Variants in GALNT13 observed in about 807,000 individuals in gnomAD.
GALNT13 encodes UDP-GalNAc:polypeptide N-acetylgalactosaminyltransferase 13.
GALNT13 carries 28 observed loss-of-function variants against 64.2 expected under a neutral mutation model. The ratio of observed to expected loss-of-function variants is 0.44; its 90% CI spans 0.32 to 0.60. GALNT13 has a LOEUF of 0.60. Among genes scored for constraint, GALNT13 ranks in the 20% least tolerant of loss-of-function variants. GALNT13 has a pLI of 0.05. For missense variants in GALNT13, 577 were observed against 669.8 expected (o/e 0.86, Z 1.53); for synonymous variants, 214 against 224.6 (o/e 0.95, Z 0.42).
chr2:153,375,871 T>C, the GALNT13 span, among the ~76,000 whole-genome samples: 2 of 152,180 alleles, frequency 1.3e-5, no homozygotes, highest in African/African-American at 4.8e-5. Flanking sequence ...TTCTGCAAGC[T>C]GTACAAGAAG....
chr2:154,104,287 C>T (rs917649883), intron 3 of GALNT13, among the ~76,000 whole-genome samples: 1 of 152,042 alleles, frequency 6.6e-6, no homozygotes, highest in East Asian at 1.9e-4. Context: ...TCAGTCAGTC[C>T]AAAACAGATA....
the GALNT13 span, among the ~76,000 whole-genome samples, chr2:153,523,066 T>TTG: frequency 1.4e-5 from 2 of 140,256 alleles, no homozygotes; most frequent in African/African-American, 5.3e-5. Context: ...TTTTTTTTTT[T>TTG]GCATGTGGGT....
intron 3 of GALNT13, among the ~76,000 whole-genome samples, chr2:154,009,571 AC>A (rs1696487213): frequency 6.6e-6 from 1 of 150,878 alleles, no homozygotes; most frequent in African/African-American, 2.4e-5. Flanking sequence ...GCTGACTGCA[AC>A]CCCTGCCTCC....
chr2:154,229,226 A>T (rs16836255), intron 4 of GALNT13, among the ~76,000 whole-genome samples: 1 of 152,094 alleles, frequency 6.6e-6, no homozygotes, highest in African/African-American at 2.4e-5. Context: ...TTTACTCTGG[A>T]TACAGAGCTT....
chr2:153,283,350 G>C, the GALNT13 span, among the ~76,000 whole-genome samples: 1 of 152,182 alleles, frequency 6.6e-6, no homozygotes, highest in Non-Finnish European at 1.5e-5. Flanking sequence ...GAATATACCA[G>C]ATACCTGGAG....
At chr2:153,427,970 CTTTTTG>C in the GALNT13 span, among the ~76,000 whole-genome samples, 5 of 152,008 alleles carry the variant, frequency 3.3e-5, no homozygotes, top group African/African-American at 7.2e-5. Flanking sequence ...TTTGTTTATA[CTTTTTG>C]TTTTTGCTCT....
At chr2:153,590,210 T>C in the GALNT13 span, among the ~76,000 whole-genome samples, 3 of 152,146 alleles carry the variant, frequency 2.0e-5, no homozygotes, top group South Asian at 2.1e-4. Context: ...TATGAACATA[T>C]ATACACTTAT....
the GALNT13 span, among the ~76,000 whole-genome samples, chr2:153,476,701 G>A: frequency 3.3e-5 from 5 of 152,276 alleles, no homozygotes; most frequent in Non-Finnish European, 5.9e-5. Context: ...AAATTACAAA[G>A]AACAGGCTGA....
chr2:153,159,461 A>T, the GALNT13 span: 12 of 152,326 alleles, frequency 7.9e-5, no homozygotes, highest in African/African-American at 2.7e-4. Flanking sequence ...GAGGAATAAC[A>T]TTGCTATGAC....
chr2:154,183,280 C>A (rs1036032652), intron 4 of GALNT13, among the ~76,000 whole-genome samples: 1 of 152,130 alleles, frequency 6.6e-6, no homozygotes, highest in East Asian at 1.9e-4. Flanking sequence ...AAATTTATCT[C>A]TTTCTGCTAG....
At chr2:154,351,909 A>C (rs1696433208) in intron 9 of GALNT13, among the ~76,000 whole-genome samples, 1 of 152,116 alleles carries the variant, frequency 6.6e-6, no homozygotes, top group Non-Finnish European at 1.5e-5. Flanking sequence ...CATAGACTAT[A>C]AAAACTTCTC....
chr2:153,608,625 AT>A, the GALNT13 span, among the ~76,000 whole-genome samples: 1 of 148,942 alleles, frequency 6.7e-6, no homozygotes, highest in Non-Finnish European at 1.5e-5. Flanking sequence ...ATATACATAT[AT>A]TTCTCTCTTT....
the GALNT13 span, among the ~76,000 whole-genome samples, chr2:153,826,658 G>C: frequency 6.6e-6 from 1 of 150,846 alleles, no homozygotes; most frequent in Non-Finnish European, 1.5e-5. Flanking sequence ...TGATCTAAAT[G>C]ATATTTTTAA....
At chr2:153,463,119 A>G in the GALNT13 span, among the ~76,000 whole-genome samples, 1 of 152,130 alleles carries the variant, frequency 6.6e-6, no homozygotes, top group African/African-American at 2.4e-5. Flanking sequence ...ATCCAGGTAA[A>G]GGGAAAGATG....
intron 3 of GALNT13, among the ~76,000 whole-genome samples, chr2:154,025,270 G>A (rs1256896205): frequency 6.6e-6 from 1 of 152,182 alleles, no homozygotes; most frequent in African/African-American, 2.4e-5. Flanking sequence ...CACGCTGGGT[G>A]CTGTAGACTG....
chr2:153,591,065 A>ATGT, the GALNT13 span, among the ~76,000 whole-genome samples: 5 of 152,124 alleles, frequency 3.3e-5, no homozygotes, highest in Non-Finnish European at 5.9e-5. Flanking sequence ...TGTCTAGAAT[A>ATGT]ACCTTATAAT....
In GALNT13 at chr2:154,301,429, C is replaced by T. The variant is rs1296965908; in HGVS notation, c.996C>T (p.Ser332=). Residue 332 remains serine (S), a synonymous_variant, in exon 9 of 13, where the codon TCC becomes TCT. Transcript: ENST00000392825. Reference sequence around the variant, plus strand: ...CCCAGATTTGGCAATGTGGAGGCTCCTTGGAGATTGTTACTTGCTCCCATG... The same window carrying T: ...CCCAGATTTGGCAATGTGGAGGCTCTTTGGAGATTGTTACTTGCTCCCATG... ...MSFRIWQCGG[S]LEIVTCSHVG... 1.9e-6 allele frequency: 3 copies of T among 1,612,356 alleles called. No homozygotes were observed. The highest frequency in any genetic ancestry group is 2.5e-6 in the Non-Finnish European group (3 of 1,178,880).
the GALNT13 span, among the ~76,000 whole-genome samples, chr2:153,763,455 G>C: frequency 2.6e-4 from 40 of 152,212 alleles, no homozygotes; most frequent in Admixed American, 1.8e-3. Context: ...CTGTTGTCAC[G>C]ATAGTGAATA....
At chr2:153,667,423 G>T in the GALNT13 span, among the ~76,000 whole-genome samples, 3 of 152,140 alleles carry the variant, frequency 2.0e-5, no homozygotes, top group Admixed American at 6.5e-5. Context: ...CTAACAGAAG[G>T]TCTTTCATGA....
Sources: gnomAD v4.1 joint callset for allele counts (sites outside exome capture counted in the v4.1 genomes callset) on GRCh38, gnomAD v4.1.1 for gene constraint, MANE v1.5 for transcripts, NCBI Gene and HGNC (gene_info 2026-07-23, HGNC 2026-07-21) for gene names.